The following SPESP1 variants were observed in gnomAD, a reference collection of about 807,000 sequenced individuals.
SPESP1 encodes sperm equatorial segment protein 1, also known as equatorial segment protein.
In SPESP1, 1 loss-of-function variant was observed where a neutral mutation model predicts 3.1. That is an observed-to-expected ratio of 0.33 (90% confidence interval 0.12 to 1.54). The LOEUF is 1.54. SPESP1 is among the 40% of genes most tolerant of loss of function. SPESP1 has a pLI of 0.38. For synonymous variants in SPESP1, 138 were observed against 150.7 expected (o/e 0.92, Z 0.62); for missense variants, 398 against 410.1 (o/e 0.97, Z 0.26).
chr15:68,944,116 T>C (rs1895898355), intron 1 of SPESP1, among the ~76,000 whole-genome samples: 1 of 152,138 alleles, frequency 6.6e-6, no homozygotes, highest in Admixed American at 6.5e-5. Context: ...TCAATTTGTA[T>C]ACTTGAAAAT....
chr15:68,936,323 G>A (rs1895679978), intron 1 of SPESP1, among the ~76,000 whole-genome samples: 1 of 152,178 alleles, frequency 6.6e-6, no homozygotes, highest in Non-Finnish European at 1.5e-5. Flanking sequence ...CAAGGCTACT[G>A]GCCAAGGGCA....
intron 1 of SPESP1, among the ~76,000 whole-genome samples, chr15:68,931,409 A>G (rs1273889553): frequency 6.6e-6 from 1 of 152,138 alleles, no homozygotes; most frequent in Non-Finnish European, 1.5e-5. Flanking sequence ...CGTATTGCCC[A>G]TGGCTGCTTT....
intron 1 of SPESP1, among the ~76,000 whole-genome samples, chr15:68,940,679 A>G (rs1375498856): frequency 1.3e-5 from 2 of 150,900 alleles, no homozygotes; most frequent in Non-Finnish European, 2.9e-5. Context: ...GTGTAGTTTA[A>G]TATTTCCCTT....
chr15:68,943,641 T>G (rs1483821282), intron 1 of SPESP1, among the ~76,000 whole-genome samples: 4 of 152,152 alleles, frequency 2.6e-5, no homozygotes, highest in Non-Finnish European at 2.9e-5. Flanking sequence ...TTACAGTTTT[T>G]GGGGGTTCAT....
intron 1 of SPESP1, among the ~76,000 whole-genome samples, chr15:68,934,232 T>C (rs1895626498): frequency 6.6e-6 from 1 of 152,210 alleles, no homozygotes; most frequent in South Asian, 2.1e-4. Flanking sequence ...GAAGGCTCAA[T>C]GTATCAGTCT....
chr15:68,939,800 AAGT>A (rs1895771559), intron 1 of SPESP1: 1 of 152,172 alleles, frequency 6.6e-6, no homozygotes, highest in South Asian at 2.1e-4. Flanking sequence ...AGCTAGTAGT[AAGT>A]ATCTCCTTTT....
At chr15:68,933,858 CAAA>C (rs1211639298) in intron 1 of SPESP1, among the ~76,000 whole-genome samples, 6 of 91,456 alleles carry the variant, frequency 6.6e-5, no homozygotes, top group African/African-American at 8.0e-5. Flanking sequence ...GACCTTGTCT[CAAA>C]AAAAAAAAAA....
At chr15:68,943,072 TTGG>T (rs1423411899) in intron 1 of SPESP1, among the ~76,000 whole-genome samples, 1 of 149,758 alleles carries the variant, frequency 6.7e-6, no homozygotes, top group African/African-American at 2.5e-5. Flanking sequence ...TATTAAATGA[TTGG>T]TGTGTGTGTG....
At chr15:68,940,111 A>G (rs1368450565) in intron 1 of SPESP1, among the ~76,000 whole-genome samples, 5 of 152,174 alleles carry the variant, frequency 3.3e-5, no homozygotes, top group African/African-American at 1.2e-4. Flanking sequence ...AGCTTCAGTT[A>G]TTATTACTAT....
Position 68,946,619 on chromosome 15 carries a change from T to C in SPESP1, c.*32T>C, listed in dbSNP as rs1895977564. 1.4e-6 allele frequency: 2 copies of C among 1,414,040 alleles called. No homozygotes were observed. The highest frequency in any genetic ancestry group is 5.2e-5 in the East Asian group (2 of 38,602). 87.6% of individuals were successfully genotyped at this position (1,414,040 alleles called of 1,614,324 possible). A position where few individuals can be genotyped will look rare whatever the true frequency, so the allele number is the denominator to read the frequency against. On this transcript the variant is annotated 3_prime_UTR_variant, in exon 2 of 2. Transcript: ENST00000310673. Reference sequence around the variant, plus strand: ...ATATAAAAATTTTAAACCTACTTGATATTCCATAACAAAGCTGATTTAAGC... The same window carrying C: ...ATATAAAAATTTTAAACCTACTTGACATTCCATAACAAAGCTGATTTAAGC...
Position 68,946,610 on chromosome 15 carries a change from C to T in SPESP1, c.*23C>T. On this transcript the variant is annotated 3_prime_UTR_variant, in exon 2 of 2. Transcript: ENST00000310673. ...TAAACAATAATATAAAAATTTTAAA[C>T]CTACTTGATATTCCATAACAAAGCT... The T allele has an allele frequency of 7.0e-7, 1 of 1,421,520 alleles. No individual in the cohort carries two copies. The highest frequency in any genetic ancestry group is 9.2e-7 in the Non-Finnish European group (1 of 1,091,166). 88.1% of individuals were successfully genotyped at this position (1,421,520 alleles called of 1,614,324 possible). A position where few individuals can be genotyped will look rare whatever the true frequency, so the allele number is the denominator to read the frequency against.
intron 1 of SPESP1, among the ~76,000 whole-genome samples, chr15:68,937,596 C>G (rs1476213483): frequency 2.0e-5 from 3 of 151,930 alleles, no homozygotes; most frequent in Non-Finnish European, 4.4e-5. Context: ...ATTGGCCCAT[C>G]CTTTAAGTTC....
chr15:68,934,825 C>A (rs1895643167), intron 1 of SPESP1, among the ~76,000 whole-genome samples: 1 of 151,714 alleles, frequency 6.6e-6, no homozygotes, highest in South Asian at 2.1e-4. Flanking sequence ...ATTTATTTAA[C>A]CTAAGTATAG....
chr15:68,943,586 G>A (rs1403202058), intron 1 of SPESP1, among the ~76,000 whole-genome samples: 2 of 151,958 alleles, frequency 1.3e-5, no homozygotes, highest in Admixed American at 6.6e-5. Context: ...TTTTCTCATT[G>A]GGCGTAAATG....
In SPESP1 at chr15:68,946,351, C is replaced by T; in HGVS notation, c.817C>T (p.His273Tyr). 6.2e-7 allele frequency: 1 copy of T among 1,614,098 alleles called. No homozygotes were observed. The highest frequency in any genetic ancestry group is 8.5e-7 in the Non-Finnish European group (1 of 1,180,010). ...CCTTGCTCTAGCAGCAGCAGCAGAA[C>T]ATAAATTAAAAACAATGTATAAGTC... ...RSLALAAAAE[H>Y]KLKTMYKSQL... The change falls in exon 2 of 2, where the codon CAT becomes TAT. Residue 273 changes from histidine to tyrosine, a missense_variant. By Grantham distance (83) the His-to-Tyr change is moderately conservative. Coordinates refer to ENST00000310673, the MANE Select transcript of SPESP1 (RefSeq NM_145658.4).
In SPESP1 at chr15:68,946,698, A is replaced by G. The variant is rs1347280049; in HGVS notation, c.*111A>G. ...TCATATTCGTAATTTCAAAAGTTGT[A>G]TAAAAATATTTTCTATTGTAGTTCA... is the stretch of plus-strand genomic sequence containing the variant. On this transcript the variant is annotated 3_prime_UTR_variant, in exon 2 of 2. Coordinates refer to ENST00000310673, the MANE Select transcript of SPESP1 (RefSeq NM_145658.4). 4 of 1,239,736 alleles carry G rather than the reference A, an allele frequency of 3.2e-6. No homozygotes were observed. Among genetic ancestry groups the G allele is most frequent in the Non-Finnish European group, 1.0e-6 (1 of 971,332 alleles). The allele number at this position is 1,239,736 out of a possible 1,614,324, so 76.8% of individuals were successfully genotyped here.
At chr15:68,938,862 A>G (rs188852636) in intron 1 of SPESP1, among the ~76,000 whole-genome samples, 1 of 152,340 alleles carries the variant, frequency 6.6e-6, no homozygotes, top group East Asian at 1.9e-4. Context: ...TTCTTCTTTG[A>G]CAAAGTACTT....
At chr15:68,931,740 A>G (rs1450042981) in intron 1 of SPESP1, among the ~76,000 whole-genome samples, 1 of 152,196 alleles carries the variant, frequency 6.6e-6, no homozygotes, top group East Asian at 1.9e-4. Flanking sequence ...TATATTAACA[A>G]TATCATGTGG....
intron 1 of SPESP1, among the ~76,000 whole-genome samples, chr15:68,941,972 G>A (rs1895835434): frequency 6.6e-6 from 1 of 152,138 alleles, no homozygotes; most frequent in African/African-American, 2.4e-5. Flanking sequence ...ATACAGGTAT[G>A]TGCCACCATG....
Sources: allele counts gnomAD v4.1 joint callset (sites outside exome capture counted in the v4.1 genomes callset), GRCh38; gene constraint gnomAD v4.1.1; transcripts MANE v1.5; gene names NCBI Gene and HGNC (gene_info 2026-07-23, HGNC 2026-07-21).